FKBP5: variants seen among roughly 807,000 people sequenced by gnomAD.
FKBP5 encodes the protein peptidyl-prolyl cis-trans isomerase FKBP5.
In FKBP5, 23 loss-of-function variants were observed where a neutral mutation model predicts 50.5. The ratio of observed to expected loss-of-function variants is 0.46; its 90% CI spans 0.33 to 0.65. The LOEUF (loss-of-function observed/expected upper bound fraction) is 0.65. FKBP5 is among the 30% of genes least tolerant of loss of function. The pLI is 0.02. For missense variants in FKBP5, 411 were observed against 553.1 expected, an observed-to-expected ratio of 0.74 and a Z score of 2.58; for synonymous variants, 176 against 190.6, an observed-to-expected ratio of 0.92 and a Z score of 0.63.
chr6:35,590,918 A>C (rs1762800425), intron 7 of FKBP5, among the ~76,000 whole-genome samples: 1 of 150,910 alleles, frequency 6.6e-6, no homozygotes, highest in Non-Finnish European at 1.5e-5. Flanking sequence ...GACACATAGG[A>C]ACAAAATAAG....
At chr6:35,700,605 CT>C (rs1205762773) in intron 2 of FKBP5, among the ~76,000 whole-genome samples, 3 of 152,156 alleles carry the variant, frequency 2.0e-5, no homozygotes, top group Admixed American at 6.6e-5. Flanking sequence ...GGCAAATGCA[CT>C]TGGGCAAAAG....
intron 3 of FKBP5, among the ~76,000 whole-genome samples, chr6:35,629,670 CTG>C (rs1158435235): frequency 6.6e-6 from 1 of 152,144 alleles, no homozygotes; most frequent in Admixed American, 6.5e-5. Context: ...CACCACAACA[CTG>C]TACTCAAAAA....
chr6:35,598,725 C>T (rs1454289572), intron 5 of FKBP5, among the ~76,000 whole-genome samples: 6 of 152,086 alleles, frequency 3.9e-5, no homozygotes, highest in Non-Finnish European at 7.4e-5. Context: ...TAATCCCACA[C>T]TTTGGGAGGC....
At position 35,573,643 on chromosome 6, in the gene FKBP5, ATTTTT is replaced by A. The variant is rs66957944; in HGVS notation, c.*2187_*2191del. ...ACACACAAAAAAGTGCATCTAAATG[ATTTTT>A]TTTTTTTAAAAACAATGTCTTTAAT... On this transcript the variant is annotated 3_prime_UTR_variant, in exon 11 of 11. Transcript: ENST00000357266. The A allele has an allele frequency of 6.6e-6, 1 of 150,766 alleles. No individual in the cohort carries two copies. Among genetic ancestry groups the A allele is most frequent in the Non-Finnish European group, 1.5e-5 (1 of 67,574 alleles). The allele number at this position is 150,766 out of a possible 1,614,324, so 9.3% of individuals were successfully genotyped here.
intron 8 of FKBP5, chr6:35,581,793 A>G: frequency 1.0e-6 from 1 of 985,514 alleles, no homozygotes; most frequent in Non-Finnish European, 1.2e-6. Flanking sequence ...GCAGAGGAGC[A>G]GCCAGACCTA....
chr6:35,691,097 C>T (rs925716488), upstream of FKBP5, among the ~76,000 whole-genome samples: 1 of 152,134 alleles, frequency 6.6e-6, no homozygotes, highest in African/African-American at 2.4e-5. Flanking sequence ...TATGTCCCAA[C>T]CCTCAAGGGC....
intron 1 of FKBP5, among the ~76,000 whole-genome samples, chr6:35,677,151 G>GCAAGCTCCGCCTCCCGGGTTCACTC (rs1765546266): frequency 6.6e-6 from 1 of 152,198 alleles, no homozygotes; most frequent in Non-Finnish European, 1.5e-5. Context: ...TCGGCTCACT[G>GCAAGCTCCGCCTCCCGGGTTCACTC]CAAGCTCCGC....
intron 8 of FKBP5, chr6:35,584,276 A>C: frequency 2.0e-6 from 2 of 985,480 alleles, no homozygotes; most frequent in Non-Finnish European, 2.4e-6. Flanking sequence ...TGAGGACTTT[A>C]CATCTTCAAT....
At chr6:35,649,682 A>C (rs532041490) in intron 1 of FKBP5, among the ~76,000 whole-genome samples, 2 of 152,338 alleles carry the variant, frequency 1.3e-5, no homozygotes, top group Non-Finnish European at 2.9e-5. Context: ...GCGAAACATG[A>C]AATGCTTTGA....
In FKBP5 at chr6:35,708,330, T is replaced by C. The variant is rs376956744; in HGVS notation, c.-20+11998A>G. Among the ~76,000 whole-genome samples, 23 of 152,198 alleles carry C rather than the reference T, an allele frequency of 1.5e-4. No homozygotes were observed. In the East Asian group the frequency reaches 4.2e-3, roughly 28 times the overall value. On this transcript the variant is annotated intron_variant, in intron 2 of 11. Coordinates refer to the FKBP5 transcript ENST00000536438. Reference sequence around the variant, plus strand: ...AGTGCAGTGGTGTGATCTCAGCTCATTGCAACCTCCACCTCTCAGGTTCAA... The same window carrying C: ...AGTGCAGTGGTGTGATCTCAGCTCACTGCAACCTCCACCTCTCAGGTTCAA...
intron 1 of FKBP5, among the ~76,000 whole-genome samples, chr6:35,653,338 A>G (rs746395476): frequency 2.0e-5 from 3 of 152,176 alleles, no homozygotes; most frequent in Non-Finnish European, 2.9e-5. Flanking sequence ...CCTGGGTAAC[A>G]AAGACCCTGT....
At chr6:35,642,923 A>G in intron 1 of FKBP5, 80 bp from the exon 2 acceptor site, 4 of 987,050 alleles carry the variant, frequency 4.1e-6, no homozygotes, top group Non-Finnish European at 6.1e-6. Flanking sequence ...ACTGAGCTCT[A>G]CCTAACCTAA....
chr6:35,652,546 A>G (rs541308803), intron 1 of FKBP5, among the ~76,000 whole-genome samples: 1 of 152,306 alleles, frequency 6.6e-6, no homozygotes, highest in East Asian at 1.9e-4. Flanking sequence ...AATAAACTCC[A>G]GTCTCCCATA....
intron 3 of FKBP5, among the ~76,000 whole-genome samples, chr6:35,627,338 C>T (rs1364040252): frequency 1.3e-5 from 2 of 152,268 alleles, no homozygotes; most frequent in South Asian, 2.1e-4. Context: ...GACAGGGTAT[C>T]GCTATGTTGC....
intron 1 of FKBP5, among the ~76,000 whole-genome samples, chr6:35,664,494 A>G (rs1393237147): frequency 1.3e-5 from 2 of 152,234 alleles, no homozygotes; most frequent in Non-Finnish European, 2.9e-5. Flanking sequence ...TATCTACAGG[A>G]AAACATCCAG....
intron 1 of FKBP5, among the ~76,000 whole-genome samples, chr6:35,668,689 A>G (rs1361398819): frequency 6.6e-6 from 1 of 151,620 alleles, no homozygotes; most frequent in African/African-American, 2.4e-5. Flanking sequence ...TTTGTTTGTT[A>G]TTATTATACT....
At chr6:35,605,553 T>C (rs2150968801) in intron 5 of FKBP5, among the ~76,000 whole-genome samples, 1 of 151,944 alleles carries the variant, frequency 6.6e-6, no homozygotes, top group Admixed American at 6.6e-5. Context: ...CATGCCACTA[T>C]GTGTGGCTAA....
intron 2 of FKBP5, among the ~76,000 whole-genome samples, chr6:35,638,237 G>T (rs1251179590): frequency 6.6e-6 from 1 of 152,156 alleles, no homozygotes; most frequent in East Asian, 1.9e-4. Flanking sequence ...ACAGAGGATG[G>T]TAGCTAACAT....
intron 2 of FKBP5, among the ~76,000 whole-genome samples, chr6:35,704,442 G>T (rs1228085725): frequency 6.6e-6 from 1 of 152,164 alleles, no homozygotes; most frequent in Non-Finnish European, 1.5e-5. Flanking sequence ...CAAGAGGAAA[G>T]AATGGTTTTC....
Sources: gnomAD v4.1 joint callset for allele counts (sites outside exome capture counted in the v4.1 genomes callset) on GRCh38, gnomAD v4.1.1 for gene constraint, MANE v1.5 for transcripts, NCBI Gene and HGNC (gene_info 2026-07-23, HGNC 2026-07-21) for gene names.